CAPN8: variants seen among roughly 807,000 people sequenced by gnomAD.
The protein encoded by CAPN8 is calpain-8.
In CAPN8, 87 loss-of-function variants were observed where a neutral mutation model predicts 80.9. That is an observed-to-expected ratio of 1.07 (90% CI 0.90 to 1.28). The LOEUF (loss-of-function observed/expected upper bound fraction) is 1.28, where lower values mean the gene tolerates loss of function less well. CAPN8 is among the 50% of genes most tolerant of loss of function. The pLI is 0.00. For missense variants in CAPN8, 757 were observed against 702.0 expected (o/e 1.08, Z -0.89); for synonymous variants, 299 against 273.8 (o/e 1.09, Z -0.91).
At chr1:223,611,038 T>C (rs1010952885) in intron 11 of CAPN8, among the ~76,000 whole-genome samples, 2 of 152,118 alleles carry the variant, frequency 1.3e-5, no homozygotes, top group Non-Finnish European at 2.9e-5. Context: ...CCGGCACTCG[T>C]AGAGCACAGG....
intron 9 of CAPN8, chr1:223,617,287 G>A (rs998570563): frequency 6.7e-6 from 1 of 150,214 alleles, no homozygotes; most frequent in African/African-American, 2.5e-5. Flanking sequence ...TTTTGGGGGG[G>A]GGGGTTGTTT....
chr1:223,658,957 T>C (rs1346197111), intron 1 of CAPN8, among the ~76,000 whole-genome samples: 4 of 152,216 alleles, frequency 2.6e-5, no homozygotes, highest in Admixed American at 6.5e-5. Context: ...AGAGAGGTTT[T>C]AAAGAGGCAG....
chr1:223,621,638 C>T (rs1190502923), intron 7 of CAPN8, among the ~76,000 whole-genome samples: 2 of 152,132 alleles, frequency 1.3e-5, no homozygotes, highest in South Asian at 2.1e-4. Context: ...GCCCTAGAGA[C>T]ACGTGTTTCT....
rs956587673 is a variant in CAPN8 at position 223,654,375 on chromosome 1, T to A, written c.262A>T (p.Ile88Phe). Reference sequence around the variant, plus strand: ...TCTGTGCGCGTGGCTCCACCAACGATAAACTGAGGGCTGGGACACAACTCC... The same window carrying A: ...TCTGTGCGCGTGGCTCCACCAACGAAAAACTGAGGGCTGGGACACAACTCC... ...PTELCPSPQF[I>F]VGGATRTDIC... Residue 88 changes from isoleucine (I) to phenylalanine (F), a missense_variant, in exon 2 of 21, where the codon ATC becomes TTC. Transcript: ENST00000366872. 2 of 1,551,518 alleles carry A rather than the reference T, an allele frequency of 1.3e-6. No individual in the cohort carries two copies. Among genetic ancestry groups the A allele is most frequent in the African/African-American group, 2.7e-5 (2 of 73,010 alleles).
At chr1:223,621,409 C>A (rs965097963) in intron 7 of CAPN8, among the ~76,000 whole-genome samples, 2 of 152,108 alleles carry the variant, frequency 1.3e-5, no homozygotes, top group African/African-American at 4.8e-5. Flanking sequence ...CACCACCTCC[C>A]GCCTGCCAGG....
chr1:223,611,120 C>T (rs757676432), intron 11 of CAPN8, among the ~76,000 whole-genome samples: 1 of 152,318 alleles, frequency 6.6e-6, no homozygotes, highest in East Asian at 1.9e-4. Context: ...CACGTCACCT[C>T]TCTCTCATAT....
intron 1 of CAPN8, among the ~76,000 whole-genome samples, chr1:223,661,360 T>A (rs1476481127): frequency 1.3e-5 from 2 of 152,170 alleles, no homozygotes; most frequent in Non-Finnish European, 2.9e-5. Context: ...CTGAGTGCAG[T>A]GGCTCACACC....
rs775469840 is a variant in CAPN8 at position 223,549,483 on chromosome 1, G to A, written c.1700-101C>T. On this transcript the variant is annotated intron_variant, in intron 15 of 20. Coordinates refer to ENST00000366872, the MANE Select transcript of CAPN8 (RefSeq NM_001143962.2). ...ACCTCCAAAGATACCATCCAAGGGTGTGGAACCGAACTTGGTCTCTGCCAA... is the reference window on the plus strand; with the variant it reads ...ACCTCCAAAGATACCATCCAAGGGTATGGAACCGAACTTGGTCTCTGCCAA... 3.7e-5 allele frequency: 56 copies of A among 1,529,130 alleles called. No homozygotes were observed. In the African/African-American group the frequency reaches 7.3e-4, roughly 20 times the overall value. 94.7% of individuals were successfully genotyped at this position (1,529,130 alleles called of 1,614,324 possible). A position where few individuals can be genotyped will look rare whatever the true frequency, so the allele number is the denominator to read the frequency against.
intron 16 of CAPN8, among the ~76,000 whole-genome samples, chr1:223,547,675 C>A (rs2102688263): frequency 6.6e-6 from 1 of 152,202 alleles, no homozygotes; most frequent in African/African-American, 2.4e-5. Flanking sequence ...TCTGCTGATT[C>A]AGAACCACTG....
intron 7 of CAPN8, among the ~76,000 whole-genome samples, chr1:223,620,967 T>TAAAAA (rs66669646): frequency 6.1e-5 from 9 of 147,128 alleles, no homozygotes; most frequent in South Asian, 2.2e-4. Flanking sequence ...GATCCATCTT[T>TAAAAA]AAAAAAAAAA....
chr1:223,624,819 G>C (rs573786641), intron 6 of CAPN8, among the ~76,000 whole-genome samples: 1 of 152,164 alleles, frequency 6.6e-6, no homozygotes, highest in Non-Finnish European at 1.5e-5. Flanking sequence ...AATAGGCCGG[G>C]TGCGGTGGCT....
intron 2 of CAPN8, among the ~76,000 whole-genome samples, chr1:223,650,390 C>T (rs1413143215): frequency 6.6e-6 from 1 of 152,132 alleles, no homozygotes; most frequent in Non-Finnish European, 1.5e-5. Flanking sequence ...TAGAGTGGGG[C>T]CCTGACCCAG....
At chr1:223,545,202 G>A in intron 17 of CAPN8, 29 bp downstream of exon 17, 7 of 1,551,684 alleles carry the variant, frequency 4.5e-6, no homozygotes, top group Non-Finnish European at 6.1e-6. Flanking sequence ...GAACAGAGGA[G>A]AGGATGCCCA....
intron 17 of CAPN8, 158 bp from the exon 18 acceptor site, chr1:223,545,008 C>G (rs958826411): frequency 6.9e-7 from 1 of 1,443,678 alleles, no homozygotes; most frequent in African/African-American, 1.4e-5. Context: ...AGCATAAGAG[C>G]TTGGCCAGTG....
chr1:223,628,199 TC>T, intron 3 of CAPN8, 57 bp from the exon 4 acceptor site: 1 of 1,491,432 alleles, frequency 6.7e-7, no homozygotes. Context: ...GTAAAGGGAG[TC>T]CCTCCAGGGG....
At chr1:223,661,819 A>G (rs1281011188) in intron 1 of CAPN8, among the ~76,000 whole-genome samples, 2 of 152,204 alleles carry the variant, frequency 1.3e-5, no homozygotes, top group East Asian at 1.9e-4. Flanking sequence ...TCTTTTGGGT[A>G]TATAACAAAA....
rs780344979 is a variant in CAPN8 at position 223,625,773 on chromosome 1, C to T, written c.813+32G>A. On this transcript the variant is annotated intron_variant, in intron 6 of 20. Transcript: ENST00000366872. ...TTGGATTCATGGAAATATTATCACA[C>T]GTTACCTTCCCCACCTTCCACACAA... 304 of 1,512,024 alleles carry T rather than the reference C, an allele frequency of 2.0e-4. 2 individuals are homozygous for T. Among genetic ancestry groups the T allele is most frequent in the Admixed American group, 3.3e-4 (17 of 50,798 alleles). The allele number at this position is 1,512,024 out of a possible 1,614,324, so 93.7% of individuals were successfully genotyped here.
chr1:223,637,502 G>C (rs1040982525), intron 2 of CAPN8, among the ~76,000 whole-genome samples: 1 of 152,292 alleles, frequency 6.6e-6, no homozygotes, highest in Non-Finnish European at 1.5e-5. Context: ...TGGGACTGGG[G>C]AGTGAATGAG....
chr1:223,619,478 C>A (rs948878463), intron 8 of CAPN8, 25 bp from the exon 9 acceptor site: 41 of 1,551,042 alleles, frequency 2.6e-5, no homozygotes, highest in Non-Finnish European at 3.3e-5. Context: ...CCAGAGGGCT[C>A]TCAGTGAAGA....
Sources: allele counts gnomAD v4.1 joint callset (sites outside exome capture counted in the v4.1 genomes callset), GRCh38; gene constraint gnomAD v4.1.1; transcripts MANE v1.5; gene names NCBI Gene and HGNC (gene_info 2026-07-23, HGNC 2026-07-21).